Variants in NOS1AP observed in about 807,000 individuals in gnomAD.
The protein encoded by NOS1AP is carboxyl-terminal PDZ ligand of neuronal nitric oxide synthase protein.
NOS1AP carries 21 observed loss-of-function variants against 56.2 expected under a neutral mutation model. The ratio of observed to expected loss-of-function variants is 0.37; its 90% CI spans 0.26 to 0.54. NOS1AP has a LOEUF of 0.54. Ranked by LOEUF, NOS1AP falls within the 20% of genes least tolerant of loss-of-function variation. The pLI is 0.84. For synonymous variants in NOS1AP, 270 were observed against 274.6 expected (o/e 0.98, Z 0.17); for missense variants, 522 against 657.8 (o/e 0.79, Z 2.26).
intron 1 of NOS1AP, among the ~76,000 whole-genome samples, chr1:162,080,272 G>T (rs115907319): frequency 0.043 from 6,538 of 152,158 alleles, 186 homozygotes; most frequent in African/African-American, 0.076. Context: ...GAGGGTGCTG[G>T]AACACTTTAG....
At chr1:162,258,316 C>T (rs1395461266) in intron 2 of NOS1AP, among the ~76,000 whole-genome samples, 2 of 152,182 alleles carry the variant, frequency 1.3e-5, no homozygotes, top group South Asian at 2.1e-4. Context: ...GGGTGCCCTG[C>T]TTGTAAACAG....
intron 2 of NOS1AP, among the ~76,000 whole-genome samples, chr1:162,250,713 T>G (rs1221406022): frequency 6.6e-6 from 1 of 152,178 alleles, no homozygotes; most frequent in African/African-American, 2.4e-5. Context: ...ATTTGCCTAC[T>G]TGTTACATTT....
At chr1:162,216,599 A>G (rs1652577097) in intron 2 of NOS1AP, among the ~76,000 whole-genome samples, 1 of 152,248 alleles carries the variant, frequency 6.6e-6, no homozygotes, top group Non-Finnish European at 1.5e-5. Context: ...ACCAAATGGG[A>G]ATATTACAAT....
intron 2 of NOS1AP, among the ~76,000 whole-genome samples, chr1:162,244,999 T>TTGAGGGA (rs1316769000): frequency 6.6e-6 from 1 of 152,164 alleles, no homozygotes; most frequent in East Asian, 1.9e-4. Context: ...AGACCATAGC[T>TTGAGGGA]GCCTCCTCTT....
intron 2 of NOS1AP, among the ~76,000 whole-genome samples, chr1:162,285,478 T>A (rs919602423): frequency 6.6e-6 from 1 of 152,186 alleles, no homozygotes; most frequent in South Asian, 2.1e-4. Flanking sequence ...CAATGCAAAC[T>A]GGAGCCATGT....
chr1:162,079,133 C>T (rs999900112), intron 1 of NOS1AP, among the ~76,000 whole-genome samples: 2 of 152,156 alleles, frequency 1.3e-5, no homozygotes, highest in Admixed American at 1.3e-4. Context: ...CTTCCGGTTC[C>T]CAGTGGCTTG....
At chr1:162,154,349 G>A in intron 1 of NOS1AP, 56 bp from the exon 2 acceptor site, 2 of 1,535,106 alleles carry the variant, frequency 1.3e-6, no homozygotes, top group Admixed American at 3.4e-5. Flanking sequence ...GAACTTTCTG[G>A]GATTAGGGAC....
At chr1:162,169,646 G>T (rs929720306) in intron 2 of NOS1AP, among the ~76,000 whole-genome samples, 1 of 152,188 alleles carries the variant, frequency 6.6e-6, no homozygotes, top group African/African-American at 2.4e-5. Context: ...CATTGGTAGA[G>T]CTGGAGGGCT....
At chr1:162,133,480 T>C (rs10494368) in intron 1 of NOS1AP, among the ~76,000 whole-genome samples, 36,388 of 152,226 alleles carry the variant, frequency 0.24, 8,220 homozygotes, top group African/African-American at 0.6. Context: ...TGTCTTATTA[T>C]TCTAAAAGTG....
intron 5 of NOS1AP, among the ~76,000 whole-genome samples, chr1:162,338,206 C>T (rs1323522028): frequency 1.3e-5 from 2 of 152,086 alleles, no homozygotes; most frequent in East Asian, 1.9e-4. Context: ...AAATTCAGAA[C>T]CACTTGTCAG....
chr1:162,171,072 A>G (rs7549718), intron 2 of NOS1AP, among the ~76,000 whole-genome samples: 67,802 of 152,112 alleles, frequency 0.45, 18,581 homozygotes, highest in Non-Finnish European at 0.61. Context: ...TGGGATGCCA[A>G]CATGCTGGGG....
intron 2 of NOS1AP, among the ~76,000 whole-genome samples, chr1:162,168,969 C>T (rs998273784): frequency 6.6e-6 from 1 of 152,180 alleles, no homozygotes; most frequent in Non-Finnish European, 1.5e-5. Flanking sequence ...GAGGAGACAT[C>T]CAAGGATTCC....
intron 2 of NOS1AP, among the ~76,000 whole-genome samples, chr1:162,198,334 G>GTCAC (rs1433200341): frequency 6.6e-6 from 1 of 152,232 alleles, no homozygotes; most frequent in African/African-American, 2.4e-5. Flanking sequence ...TCGTTGTGAT[G>GTCAC]GTGATGCTGA....
chr1:162,359,919 A>T (rs1255398576), intron 8 of NOS1AP, among the ~76,000 whole-genome samples: 3 of 152,042 alleles, frequency 2.0e-5, no homozygotes, highest in African/African-American at 7.2e-5. Context: ...AAATCCTCCT[A>T]TGTTGTTCCT....
At chr1:162,353,774 G>A (rs780993669) in intron 6 of NOS1AP, among the ~76,000 whole-genome samples, 2 of 152,106 alleles carry the variant, frequency 1.3e-5, no homozygotes, top group Admixed American at 6.6e-5. Context: ...AGAACCAAAC[G>A]CTTAGTTCCC....
chr1:162,304,780 CTGTGTGTGTGTG>C (rs3055849), intron 4 of NOS1AP, among the ~76,000 whole-genome samples: 4 of 146,092 alleles, frequency 2.7e-5, no homozygotes, highest in Non-Finnish European at 6.0e-5. Context: ...ATTTTTATAT[CTGTGTGTGTGTG>C]TGTGTGTGTG....
intron 2 of NOS1AP, among the ~76,000 whole-genome samples, chr1:162,224,888 T>C (rs1166066904): frequency 6.6e-6 from 1 of 152,178 alleles, no homozygotes; most frequent in Non-Finnish European, 1.5e-5. Flanking sequence ...CTGGGGGCTC[T>C]TGGGTCAGTG....
In NOS1AP at chr1:162,188,720, A is replaced by C. The variant is rs377000365; in HGVS notation, c.177+34244A>C. ...TTTGTTGAATGATAACAGTGTAATAAATGTCTCTATTTTTATTTTCAAATG... is the reference window on the plus strand; with the variant it reads ...TTTGTTGAATGATAACAGTGTAATACATGTCTCTATTTTTATTTTCAAATG... On this transcript the variant is annotated intron_variant, in intron 2 of 9. Coordinates refer to ENST00000361897, the MANE Select transcript of NOS1AP (RefSeq NM_014697.3). The surrounding 1 kb of genome is among the most constrained non-coding windows in gnomAD (Gnocchi z 4.0). 7.9e-5 allele frequency among the ~76,000 whole-genome samples: 12 copies of C among 152,260 alleles called. No homozygotes were observed. The East Asian group carries it at 1.4e-3, about 17-fold the overall frequency.
chr1:162,250,976 TATC>T (rs2101692024), intron 2 of NOS1AP, among the ~76,000 whole-genome samples: 1 of 152,258 alleles, frequency 6.6e-6, no homozygotes, highest in East Asian at 1.9e-4. Flanking sequence ...AGGCACACCT[TATC>T]ATAGCCCCAC....
Sources: gnomAD v4.1 joint callset for allele counts (sites outside exome capture counted in the v4.1 genomes callset) on GRCh38, gnomAD v4.1.1 for gene constraint, Gnocchi (gnomAD v3.1) non-coding constraint, MANE v1.5 for transcripts, NCBI Gene and HGNC (gene_info 2026-07-23, HGNC 2026-07-21) for gene names.